Variants in PLS1 observed in about 807,000 individuals in gnomAD.
PLS1 encodes plastin-1.
In PLS1, 32 loss-of-function variants were observed where a neutral mutation model predicts 73.7. The ratio of observed to expected loss-of-function variants is 0.43; its 90% confidence interval spans 0.33 to 0.58. PLS1 has a LOEUF of 0.58. PLS1 is among the 20% of genes least tolerant of loss of function. The pLI, the probability that PLS1 is intolerant of heterozygous loss-of-function variation, is 0.04. For missense variants in PLS1, 633 were observed against 740.5 expected (o/e 0.85, Z 1.68); for synonymous variants, 217 against 261.3 (o/e 0.83, Z 1.63).
At chr3:142,644,822 G>A (rs1332052255) in intron 1 of PLS1, among the ~76,000 whole-genome samples, 1 of 152,194 alleles carries the variant, frequency 6.6e-6, no homozygotes, top group African/African-American at 2.4e-5. Context: ...AATGCTTGAT[G>A]AAGTGCAGTT....
chr3:142,690,534 A>G (rs1431881535), intron 10 of PLS1, among the ~76,000 whole-genome samples: 1 of 152,198 alleles, frequency 6.6e-6, no homozygotes, highest in African/African-American at 2.4e-5. Context: ...TAAAATTTCT[A>G]CCTAATTTGC....
At chr3:142,660,186 G>A (rs2037338733) in intron 1 of PLS1, among the ~76,000 whole-genome samples, 1 of 152,018 alleles carries the variant, frequency 6.6e-6, no homozygotes, top group Non-Finnish European at 1.5e-5. Context: ...ACCCTGAATT[G>A]CCATGAGACT....
At chr3:142,695,121 C>G (rs2038166650) in intron 11 of PLS1, among the ~76,000 whole-genome samples, 1 of 152,124 alleles carries the variant, frequency 6.6e-6, no homozygotes, top group South Asian at 2.1e-4. Context: ...CCATTCTTCT[C>G]TCTTTATTAT....
At chr3:142,639,348 T>G (rs2036779288) in intron 1 of PLS1, among the ~76,000 whole-genome samples, 1 of 152,130 alleles carries the variant, frequency 6.6e-6, no homozygotes, top group Non-Finnish European at 1.5e-5. Context: ...AATAATGAGG[T>G]CCTTGTGGGG....
At chr3:142,673,751 C>A (rs984640741) in intron 4 of PLS1, 6 of 89,650 alleles carry the variant, frequency 6.7e-5, no homozygotes, top group African/African-American at 3.4e-4. Context: ...AAGAGGACAA[C>A]CATCCCAATA....
rs138455171 is a variant in PLS1 at position 142,606,645 on chromosome 3, C to G, written c.-37+10136C>G. On this transcript the variant is annotated intron_variant, in intron 1 of 15. Transcript: ENST00000457734. Reference sequence around the variant, plus strand: ...CCCTAGGCAATGCCAAATCTACTTTCTGTCTATATATTTGCCTATTCTTGA... The same window carrying G: ...CCCTAGGCAATGCCAAATCTACTTTGTGTCTATATATTTGCCTATTCTTGA... 2.8e-4 allele frequency among the ~76,000 whole-genome samples: 42 copies of G among 152,274 alleles called. 1 individual carries two copies. The highest frequency in any genetic ancestry group is 8.9e-4 in the African/African-American group (37 of 41,562).
intron 10 of PLS1, among the ~76,000 whole-genome samples, chr3:142,691,439 T>G (rs1445453646): frequency 6.6e-6 from 1 of 152,106 alleles, no homozygotes; most frequent in African/African-American, 2.4e-5. Flanking sequence ...TAGAAGGCAT[T>G]GTTTAGAGTG....
In PLS1 at chr3:142,669,261, AG is replaced by A. The variant is rs1189310568; in HGVS notation, c.71-127del. 5.4e-6 allele frequency: 3 copies of A among 553,416 alleles called. No individual in the cohort carries two copies. In the African/African-American group the frequency reaches 5.7e-5, roughly 11 times the overall value. The allele number at this position is 553,416 out of a possible 1,614,324, so 34.3% of individuals were successfully genotyped here. A position where few individuals can be genotyped will look rare whatever the true frequency, so the allele number is the denominator to read the frequency against. ...CTGTACAGTTCAGGTACAGGAAAAA[AG>A]GTTACTGCCACCTGTGAAACAAATG... On this transcript the variant is annotated intron_variant, in intron 2 of 15. Coordinates refer to ENST00000457734, the MANE Select transcript of PLS1 (RefSeq NM_001145319.2).
At position 142,676,304 on chromosome 3, in the gene PLS1, T is replaced by C. The variant is rs2037723543; in HGVS notation, c.497+15T>C. On this transcript the variant is annotated intron_variant, in intron 5 of 15. Coordinates refer to ENST00000457734, the MANE Select transcript of PLS1 (RefSeq NM_001145319.2). The stretch of plus-strand genomic sequence containing the variant: ...ATCCTTCTTTGGTGAGTTGAACTTC[T>C]GGTTAAGGAAGCTGCGTTCTTGCTG... 2 of 1,609,292 alleles carry C rather than the reference T, an allele frequency of 1.2e-6. No individual in the cohort carries two copies. Among genetic ancestry groups the C allele is most frequent in the African/African-American group, 2.7e-5 (2 of 74,782 alleles).
chr3:142,602,107 GT>G (rs11422433), intron 1 of PLS1, among the ~76,000 whole-genome samples: 42 of 144,488 alleles, frequency 2.9e-4, no homozygotes, highest in Admixed American at 4.8e-4. Flanking sequence ...AATCGTTCCG[GT>G]TTTTTTTTTT....
intron 3 of PLS1, among the ~76,000 whole-genome samples, 189 bp downstream of exon 3, chr3:142,669,742 GA>G (rs2037565424): frequency 6.6e-6 from 1 of 152,054 alleles, no homozygotes; most frequent in Non-Finnish European, 1.5e-5. Context: ...TAAAACAAAG[GA>G]AAAAATTATT....
intron 5 of PLS1, among the ~76,000 whole-genome samples, chr3:142,676,735 T>G (rs995302979): frequency 4.6e-5 from 7 of 152,230 alleles, no homozygotes; most frequent in Non-Finnish European, 8.8e-5. Context: ...TTCTATTTTT[T>G]CTCACTATGT....
intron 1 of PLS1, among the ~76,000 whole-genome samples, chr3:142,662,404 C>T (rs1294359668): frequency 2.0e-5 from 3 of 151,964 alleles, no homozygotes; most frequent in Non-Finnish European, 4.4e-5. Flanking sequence ...ACATCACACA[C>T]CAGGGTCTAT....
At chr3:142,603,345 A>G (rs2035959580) in intron 1 of PLS1, among the ~76,000 whole-genome samples, 1 of 152,216 alleles carries the variant, frequency 6.6e-6, no homozygotes, top group Non-Finnish European at 1.5e-5. Flanking sequence ...TTTCTTACTT[A>G]AAACACTTGT....
intron 1 of PLS1, among the ~76,000 whole-genome samples, chr3:142,633,843 C>T (rs2036619830): frequency 3.3e-5 from 5 of 152,008 alleles, no homozygotes; most frequent in Admixed American, 3.3e-4. Flanking sequence ...AAAATATTAC[C>T]CATAACTAGA....
intron 1 of PLS1, among the ~76,000 whole-genome samples, chr3:142,598,385 T>C (rs1157783121): frequency 6.6e-6 from 1 of 152,166 alleles, no homozygotes; most frequent in African/African-American, 2.4e-5. Flanking sequence ...TTCATGTGTG[T>C]TCTATAATAT....
chr3:142,660,042 CT>C (rs905353087), intron 1 of PLS1, among the ~76,000 whole-genome samples: 1 of 152,122 alleles, frequency 6.6e-6, no homozygotes, highest in African/African-American at 2.4e-5. Flanking sequence ...TGGATTTGAT[CT>C]TTTATCCTCC....
At position 142,609,612 on chromosome 3, in the gene PLS1, A is replaced by G. The variant is rs1374096543; in HGVS notation, c.-37+13103A>G. ...TCCCTGGTTTTAGAGCAACAGAAGC[A>G]GTTAAATCGTTTGCCAAAGTCTCTT... On this transcript the variant is annotated intron_variant, in intron 1 of 15. Coordinates refer to ENST00000457734, the MANE Select transcript of PLS1 (RefSeq NM_001145319.2). Among the ~76,000 whole-genome samples the G allele has an allele frequency of 2.0e-5, 3 of 152,364 alleles. No homozygotes were observed. The East Asian group carries it at 5.8e-4, about 29-fold the overall frequency.
chr3:142,660,278 C>T (rs11928203), intron 1 of PLS1, among the ~76,000 whole-genome samples: 58,419 of 152,044 alleles, frequency 0.38, 12,422 homozygotes, highest in Non-Finnish European at 0.48. Context: ...GATACCATCA[C>T]TCTCCCTGCC....
Sources: gnomAD v4.1 joint callset for allele counts (sites outside exome capture counted in the v4.1 genomes callset) on GRCh38, gnomAD v4.1.1 for gene constraint, MANE v1.5 for transcripts, NCBI Gene and HGNC (gene_info 2026-07-23, HGNC 2026-07-21) for gene names.